Variants in LGR5 observed in about 807,000 individuals in gnomAD.
The protein encoded by LGR5 is leucine rich repeat containing G protein-coupled receptor 5.
LGR5 carries 54 observed loss-of-function variants against 76.7 expected under a neutral mutation model. The ratio of observed to expected loss-of-function variants is 0.70; its 90% CI spans 0.57 to 0.88. LGR5 has a LOEUF of 0.88. Among genes scored for constraint, LGR5 ranks in the 40% least tolerant of loss-of-function variants. The probability of loss-of-function intolerance (pLI) is 0.00; values close to 1 mark genes in which losing one functional copy is unlikely to be tolerated. For synonymous variants in LGR5, 406 were observed against 421.9 expected (o/e 0.96, Z 0.46); for missense variants, 1,078 against 1,073.3 (o/e 1.00, Z -0.06).
At chr12:71,501,478 A>G (rs1418564863) in intron 1 of LGR5, among the ~76,000 whole-genome samples, 1 of 152,156 alleles carries the variant, frequency 6.6e-6, no homozygotes, top group Non-Finnish European at 1.5e-5. Context: ...ACAGCCAAAC[A>G]TTCTCTAATT....
chr12:71,539,240 A>C (rs540163915), intron 4 of LGR5, among the ~76,000 whole-genome samples: 1 of 152,210 alleles, frequency 6.6e-6, no homozygotes, highest in Non-Finnish European at 1.5e-5. Flanking sequence ...GTGGTCTACA[A>C]ATCAAAAATG....
chr12:71,552,507 G>A (rs1364294617), intron 4 of LGR5, among the ~76,000 whole-genome samples: 1 of 151,644 alleles, frequency 6.6e-6, no homozygotes. Flanking sequence ...GGAGGTTGCA[G>A]TGAGCCGAGA....
intron 1 of LGR5, among the ~76,000 whole-genome samples, chr12:71,465,738 C>T (rs1872837810): frequency 6.6e-6 from 1 of 152,162 alleles, no homozygotes; most frequent in Admixed American, 6.5e-5. Flanking sequence ...TAGAAACTTA[C>T]CTCAGGATTC....
chr12:71,566,449 T>C lies in LGR5; in HGVS notation c.903T>C (p.Phe301=), dbSNP rs754730490. 1 of 1,605,818 alleles carries C rather than the reference T, an allele frequency of 6.2e-7. No homozygotes were observed. Among genetic ancestry groups the C allele is most frequent in the Admixed American group, 1.7e-5 (1 of 59,984 alleles). ...NPIQFVGRSA[F]QHLPELRTLT... ...TCCAGTTTGTTGGGAGATCTGCTTTTCAACATTTACCTGAACTAAGAACAC... is the reference window on the plus strand; with the variant it reads ...TCCAGTTTGTTGGGAGATCTGCTTTCCAACATTTACCTGAACTAAGAACAC... The change falls in exon 9 of 18, where the codon TTT becomes TTC. Residue 301 remains phenylalanine (F), a synonymous_variant. Transcript: ENST00000266674.
intron 4 of LGR5, among the ~76,000 whole-genome samples, chr12:71,546,617 A>T (rs1428235640): frequency 6.6e-6 from 1 of 151,732 alleles, no homozygotes; most frequent in Non-Finnish European, 1.5e-5. Flanking sequence ...CCATTTTCAC[A>T]CTTCCTTCAG....
At chr12:71,545,850 A>G (rs1203902891) in intron 4 of LGR5, among the ~76,000 whole-genome samples, 2 of 152,236 alleles carry the variant, frequency 1.3e-5, no homozygotes, top group Admixed American at 1.3e-4. Flanking sequence ...TCTAATCTTT[A>G]CAATAACACC....
chr12:71,481,805 G>A (rs1873616947), intron 1 of LGR5, among the ~76,000 whole-genome samples: 1 of 152,086 alleles, frequency 6.6e-6, no homozygotes, highest in Non-Finnish European at 1.5e-5. Flanking sequence ...AAAACTTTTA[G>A]AAGATTTTTT....
intron 4 of LGR5, among the ~76,000 whole-genome samples, chr12:71,546,317 A>AAAAT (rs1555173453): frequency 2.0e-5 from 3 of 148,816 alleles, no homozygotes; most frequent in Non-Finnish European, 3.0e-5. Context: ...TCAGTCTCAA[A>AAAAT]ATATATATAT....
chr12:71,577,964 T>G lies in LGR5; in HGVS notation c.1248T>G (p.Asn416Lys). ...AWNKIAIIHP[N>K]AFSTLPSLIK... is the part of the protein sequence containing the mutation. ...ACAAAATTGCTATTATTCACCCCAA[T>G]GCATTTTCCACTTTGCCATCCCTAA... The change falls in exon 14 of 18, where the codon AAT becomes AAG. Residue 416 changes from asparagine (N) to lysine (K), a missense_variant. Coordinates refer to ENST00000266674, the MANE Select transcript of LGR5 (RefSeq NM_003667.4). 6.2e-7 allele frequency: 1 copy of G among 1,613,798 alleles called. No homozygotes were observed. Among genetic ancestry groups the G allele is most frequent in the Non-Finnish European group, 8.5e-7 (1 of 1,179,696 alleles).
upstream of LGR5, among the ~76,000 whole-genome samples, chr12:71,439,259 G>C (rs954801495): frequency 1.1e-4 from 16 of 152,188 alleles, no homozygotes; most frequent in Non-Finnish European, 4.4e-5. Context: ...TGCGGCAGAC[G>C]TAAGGATCAA....
chr12:71,513,568 A>G (rs1267680814), intron 2 of LGR5, among the ~76,000 whole-genome samples: 1 of 152,220 alleles, frequency 6.6e-6, no homozygotes, highest in African/African-American at 2.4e-5. Flanking sequence ...CCTTTGGCCC[A>G]TTCTGCCATC....
intron 1 of LGR5, among the ~76,000 whole-genome samples, chr12:71,481,467 A>C (rs34006724): frequency 6.6e-6 from 1 of 152,098 alleles, no homozygotes; most frequent in African/African-American, 2.4e-5. Flanking sequence ...TAGTGTATAT[A>C]TGCCACATTT....
intron 2 of LGR5, among the ~76,000 whole-genome samples, chr12:71,510,215 A>G (rs560052617): frequency 6.6e-6 from 1 of 152,362 alleles, no homozygotes; most frequent in African/African-American, 2.4e-5. Context: ...CTGTCTTCAT[A>G]GATCTGCCCA....
At position 71,440,732 on chromosome 12, in the gene LGR5, A is replaced by G. The variant is rs998200372; in HGVS notation, c.212+440A>G. On this transcript the variant is annotated intron_variant, in intron 1 of 17. Transcript: ENST00000266674. The surrounding 1 kb of genome is among the most constrained non-coding windows in gnomAD (Gnocchi z 5.3). ...AAGATGGTCTGTAGAAAGTTTCCCC[A>G]AAGGAGAAACAACTTGCCCAGCTCC... 6.6e-6 allele frequency among the ~76,000 whole-genome samples: 1 copy of G among 152,152 alleles called. No individual in the cohort carries two copies. The highest frequency in any genetic ancestry group is 2.4e-5 in the African/African-American group (1 of 41,434).
At chr12:71,442,688 G>A (rs1018490991) in intron 1 of LGR5, among the ~76,000 whole-genome samples, 1 of 152,182 alleles carries the variant, frequency 6.6e-6, no homozygotes, top group Admixed American at 6.5e-5. Flanking sequence ...TGCCCTTTGA[G>A]CAGGTATTGA....
At chr12:71,446,759 A>G (rs1872013415) in intron 1 of LGR5, among the ~76,000 whole-genome samples, 1 of 152,288 alleles carries the variant, frequency 6.6e-6, no homozygotes, top group African/African-American at 2.4e-5. Flanking sequence ...TTTTTCAGGG[A>G]ATTCCAGAGC....
intron 1 of LGR5, among the ~76,000 whole-genome samples, chr12:71,457,266 C>A (rs976104370): frequency 2.6e-5 from 4 of 152,108 alleles, no homozygotes; most frequent in African/African-American, 9.7e-5. Context: ...TGGGAAATAC[C>A]TACATATTTG....
chr12:71,538,266 G>A (rs891204471), intron 4 of LGR5, among the ~76,000 whole-genome samples: 8 of 152,128 alleles, frequency 5.3e-5, no homozygotes, highest in African/African-American at 1.9e-4. Context: ...TAATCTCAGC[G>A]TTTTGGGAGG....
rs557486535 is a variant in LGR5 at position 71,464,921 on chromosome 12, G to A, written c.212+24629G>A. On this transcript the variant is annotated intron_variant, in intron 1 of 17. Coordinates refer to ENST00000266674, the MANE Select transcript of LGR5 (RefSeq NM_003667.4). The stretch of plus-strand genomic sequence containing the variant: ...TTCAGGATCAAACCTGCAGAGAGAT[G>A]GAGGACTGAAGAAGGCAGGATTGGG... Among the ~76,000 whole-genome samples, 265 of 152,176 alleles carry A rather than the reference G, an allele frequency of 1.7e-3. 3 individuals are homozygous for A. Among genetic ancestry groups the A allele is most frequent in the Middle Eastern group, 3.4e-3 (1 of 294 alleles).
Sources: allele counts gnomAD v4.1 joint callset (sites outside exome capture counted in the v4.1 genomes callset), GRCh38; gene constraint gnomAD v4.1.1; non-coding constraint Gnocchi (gnomAD v3.1); transcripts MANE v1.5; gene names NCBI Gene and HGNC (gene_info 2026-07-23, HGNC 2026-07-21).